The following CDH13 variants were observed in gnomAD, a reference collection of about 807,000 sequenced individuals.
CDH13 encodes cadherin 13.
CDH13 carries 24 observed loss-of-function variants against 63.8 expected under a neutral mutation model. The observed-to-expected ratio is 0.38, with a 90% CI of 0.27 to 0.53. The LOEUF is 0.53. Among genes scored for constraint, CDH13 ranks in the 20% least tolerant of loss-of-function variants. The pLI, the probability that CDH13 is intolerant of heterozygous loss-of-function variation, is 0.85. For missense variants in CDH13, 1,049 were observed against 903.1 expected (o/e 1.16, Z -2.07); for synonymous variants, 503 against 355.3 (o/e 1.42, Z -4.67).
intron 5 of CDH13, among the ~76,000 whole-genome samples, chr16:83,267,857 AC>A (rs1555522224): frequency 6.6e-6 from 1 of 152,230 alleles, no homozygotes; most frequent in Non-Finnish European, 1.5e-5. Flanking sequence ...ATCTTTTATC[AC>A]CACTTTCCCA....
chr16:83,422,867 G>A (rs2071758289), intron 6 of CDH13, among the ~76,000 whole-genome samples: 1 of 152,194 alleles, frequency 6.6e-6, no homozygotes. Flanking sequence ...CAGAAATGTT[G>A]GGTAGGAACA....
At chr16:83,584,373 T>G (rs1395453078) in intron 7 of CDH13, among the ~76,000 whole-genome samples, 2 of 152,168 alleles carry the variant, frequency 1.3e-5, no homozygotes, top group South Asian at 4.1e-4. Context: ...AAGCACCTCA[T>G]AAGCAGAGAG....
At chr16:82,749,962 G>A (rs923677716) in intron 1 of CDH13, among the ~76,000 whole-genome samples, 7 of 152,124 alleles carry the variant, frequency 4.6e-5, no homozygotes, top group South Asian at 2.1e-4. Flanking sequence ...AAGGCAAGTC[G>A]ATTTTTGTTT....
chr16:83,724,058 G>T (rs1473000458), intron 10 of CDH13, among the ~76,000 whole-genome samples: 2 of 151,512 alleles, frequency 1.3e-5, no homozygotes, highest in African/African-American at 2.4e-5. Flanking sequence ...GAATGCGTGG[G>T]TGAGTGATGA....
chr16:83,356,214 G>GTA (rs35927332), intron 6 of CDH13, among the ~76,000 whole-genome samples: 211 of 5,096 alleles, frequency 0.041, 2 homozygotes, highest in African/African-American at 0.23. Context: ...TTATTTTCAT[G>GTA]TGTGTGTGTG....
intron 6 of CDH13, among the ~76,000 whole-genome samples, chr16:83,464,972 T>G (rs2073272451): frequency 6.6e-6 from 1 of 152,118 alleles, no homozygotes. Flanking sequence ...TTGCAGGATA[T>G]CAAGTCTGGG....
intron 1 of CDH13, among the ~76,000 whole-genome samples, chr16:82,685,620 A>ATG (rs528744819): frequency 5.9e-4 from 90 of 152,104 alleles, no homozygotes; most frequent in Middle Eastern, 6.8e-3. Context: ...ACATGTGTGG[A>ATG]TGTGTGTGTG....
chr16:82,765,455 A>G (rs757691744), intron 1 of CDH13, among the ~76,000 whole-genome samples: 1 of 152,322 alleles, frequency 6.6e-6, no homozygotes, highest in Middle Eastern at 3.4e-3. Flanking sequence ...TGTCAAAATC[A>G]TAGACTGCAT....
chr16:82,970,650 C>T lies in CDH13; in HGVS notation c.158-61360C>T, dbSNP rs534257163. Among the ~76,000 whole-genome samples, 14 of 117,428 alleles carry T rather than the reference C, an allele frequency of 1.2e-4. 3 individuals carry two copies. In the East Asian group the frequency reaches 2.6e-3, roughly 22 times the overall value. The allele number at this position is 117,428 out of a possible 152,430, so 77.0% of individuals were successfully genotyped here. ...TCCTGACCTCATGATCCACCCGCCT[C>T]GGCCTCCCAAAGTGCCAGTGCATAT... On this transcript the variant is annotated intron_variant, in intron 2 of 13. Transcript: ENST00000567109.
chr16:83,557,082 C>G (rs534091851), intron 7 of CDH13, among the ~76,000 whole-genome samples: 1 of 152,212 alleles, frequency 6.6e-6, no homozygotes, highest in African/African-American at 2.4e-5. Context: ...CCATTACTTC[C>G]TGAGCTCCTC....
rs1441230613 is a variant in CDH13, at chr16:83,328,131, A to AG, written c.637-16731_637-16730insG. On this transcript the variant is annotated intron_variant, in intron 5 of 13. Transcript: ENST00000567109. ...CCAGGAGACAGTATTGTCAAAAAAA[A>AG]AAAAAAAGAAAAAGAAAAAAAATTG... Among the ~76,000 whole-genome samples, 350 of 135,192 alleles carry AG rather than the reference A, an allele frequency of 2.6e-3. 2 individuals carry two copies. The highest frequency in any genetic ancestry group is 8.7e-3 in the African/African-American group (337 of 38,934). The allele number at this position is 135,192 out of a possible 152,430, so 88.7% of individuals were successfully genotyped here.
At chr16:83,492,644 C>G (rs1168180081) in intron 7 of CDH13, among the ~76,000 whole-genome samples, 2 of 152,184 alleles carry the variant, frequency 1.3e-5, no homozygotes, top group African/African-American at 2.4e-5. Context: ...GTTGTTTCAG[C>G]AAATAAAGTA....
At chr16:83,317,815 A>G (rs970943519) in intron 5 of CDH13, among the ~76,000 whole-genome samples, 1 of 150,342 alleles carries the variant, frequency 6.7e-6, no homozygotes, top group Non-Finnish European at 1.5e-5. Flanking sequence ...AAAAAAAAAA[A>G]GGAATCCAGT....
At chr16:83,315,240 G>C (rs552907533) in intron 5 of CDH13, among the ~76,000 whole-genome samples, 2 of 152,354 alleles carry the variant, frequency 1.3e-5, no homozygotes, top group African/African-American at 4.8e-5. Flanking sequence ...ATCCGAGGAA[G>C]GGCCTTAGGC....
chr16:83,204,094 C>A (rs963244642), intron 4 of CDH13, among the ~76,000 whole-genome samples: 8 of 152,226 alleles, frequency 5.3e-5, no homozygotes, highest in African/African-American at 1.9e-4. Flanking sequence ...TGTTCCTGGG[C>A]CATGAATGGC....
At chr16:83,154,477 G>T (rs1358210722) in intron 4 of CDH13, among the ~76,000 whole-genome samples, 1 of 151,032 alleles carries the variant, frequency 6.6e-6, no homozygotes, top group Admixed American at 6.6e-5. Context: ...TGAGGCAGGA[G>T]AATTGCTTGA....
chr16:83,350,413 A>G (rs762678236), intron 6 of CDH13, among the ~76,000 whole-genome samples: 4 of 152,272 alleles, frequency 2.6e-5, no homozygotes, highest in Admixed American at 6.5e-5. Flanking sequence ...CTGTGTCCTG[A>G]AAGATGCACA....
Position 82,644,820 on chromosome 16 carries a change from C to T in CDH13, c.45+17683C>T, listed in dbSNP as rs892706077. Among the ~76,000 whole-genome samples, 2 of 152,172 alleles carry T rather than the reference C, an allele frequency of 1.3e-5. No individual in the cohort carries two copies. Among genetic ancestry groups the T allele is most frequent in the African/African-American group, 4.8e-5 (2 of 41,436 alleles). ...ACGTAAGTGTCTGATTCAGTCCTCC[C>T]TGGTCAGTTTTCCAGCATAGCGTTT... On this transcript the variant is annotated intron_variant, in intron 1 of 13. Transcript: ENST00000567109. The surrounding 1 kb of genome is among the most constrained non-coding windows in gnomAD (Gnocchi z 5.7).
chr16:83,276,731 C>T (rs2089001061), intron 5 of CDH13, among the ~76,000 whole-genome samples: 1 of 152,054 alleles, frequency 6.6e-6, no homozygotes, highest in Admixed American at 6.6e-5. Flanking sequence ...ATTACCTTGG[C>T]ATGGTGACAG....
Sources: gnomAD v4.1 joint callset for allele counts (sites outside exome capture counted in the v4.1 genomes callset) on GRCh38, gnomAD v4.1.1 for gene constraint, Gnocchi (gnomAD v3.1) non-coding constraint, MANE v1.5 for transcripts, NCBI Gene and HGNC (gene_info 2026-07-23, HGNC 2026-07-21) for gene names.